Variants in METRN observed in about 807,000 individuals in gnomAD.
METRN encodes the protein meteorin.
METRN carries 17 observed loss-of-function variants against 17.4 expected under a neutral mutation model. The ratio of observed to expected loss-of-function variants is 0.98; its 90% confidence interval spans 0.67 to 1.46. METRN has a LOEUF of 1.46. METRN is among the 40% of genes most tolerant of loss of function. The pLI is 0.00. For missense variants in METRN, 489 were observed against 456.2 expected (o/e 1.07, Z -0.65); for synonymous variants, 230 against 210.8 (o/e 1.09, Z -0.79).
In METRN at chr16:717,414, TAGG is replaced by T. The variant is rs758547560; in HGVS notation, c.*31_*33del. 4.8e-5 allele frequency: 66 copies of T among 1,373,404 alleles called. 1 individual carries two copies. The African/African-American group carries it at 9.6e-4, about 20-fold the overall frequency. 85.1% of individuals were successfully genotyped at this position (1,373,404 alleles called of 1,614,324 possible). ...GGGCTGGGTGCTGGGGAGGGGCTGGTAGGAGGGAGGGTGGGCCCACTGCTTTGG... is the reference window on the plus strand; with the variant it reads ...GGGCTGGGTGCTGGGGAGGGGCTGGTAGGGAGGGTGGGCCCACTGCTTTGG... On this transcript the variant is annotated 3_prime_UTR_variant, in exon 4 of 4. Transcript: ENST00000568223.
At chr16:716,821 G>C in intron 2 of METRN, 112 bp from the exon 3 acceptor site, 1 of 1,503,100 alleles carries the variant, frequency 6.7e-7, no homozygotes, top group Non-Finnish European at 8.9e-7. Context: ...CCTGAGCGTG[G>C]GCTCTGCTCA....
rs1274203549 is a variant in METRN at position 715,669 on chromosome 16, G to A, written c.190G>A (p.Ala64Thr). 3 of 1,427,302 alleles carry A rather than the reference G, an allele frequency of 2.1e-6. No homozygotes were observed. The highest frequency in any genetic ancestry group is 2.7e-6 in the Non-Finnish European group (3 of 1,094,608). The allele number at this position is 1,427,302 out of a possible 1,614,324, so 88.4% of individuals were successfully genotyped here. ...GAVEWLYPAG[A>T]LRLTLGGPDP... ...GGTTGAGTGGCTGTACCCGGCTGGG[G>A]CGCTGCGCCTGACCCTGGGCGGCCC... Residue 64 changes from alanine to threonine, a missense_variant, in exon 2 of 4, where the codon GCG becomes ACG. Physicochemically the swap from Ala to Thr is moderately conservative, Grantham distance 58 (BLOSUM62 0). Transcript: ENST00000568223.
At position 719,178 on chromosome 16, in the gene METRN, G is replaced by A. The variant is rs976083944; in HGVS notation, c.*1791G>A. 3.3e-5 allele frequency: 5 copies of A among 152,426 alleles called. No individual in the cohort carries two copies. The highest frequency in any genetic ancestry group is 1.2e-4 in the African/African-American group (5 of 41,572). The allele number at this position is 152,426 out of a possible 1,614,324, so 9.4% of individuals were successfully genotyped here. A position where few individuals can be genotyped will look rare whatever the true frequency, so the allele number is the denominator to read the frequency against. On this transcript the variant is annotated 3_prime_UTR_variant, in exon 4 of 4. Transcript: ENST00000568223. The stretch of plus-strand genomic sequence containing the variant: ...CTTCTACCTACCTGTCTCAGGAAGT[G>A]CCTGAGCCTTGCACCTACAGACCCT...
chr16:717,495 G>C lies in METRN; in HGVS notation c.*108G>C. On this transcript the variant is annotated 3_prime_UTR_variant, in exon 4 of 4. Transcript: ENST00000568223. ...TGTTCACGCAAGCTGCTGTGGACCT[G>C]GTCTCCTGTGTCCAGCCCAGCCTTG... 1 of 1,102,060 alleles carries C rather than the reference G, an allele frequency of 9.1e-7. No homozygotes were observed. The highest frequency in any genetic ancestry group is 1.2e-6 in the Non-Finnish European group (1 of 831,750). 68.3% of individuals were successfully genotyped at this position (1,102,060 alleles called of 1,614,324 possible). A position where few individuals can be genotyped will look rare whatever the true frequency, so the allele number is the denominator to read the frequency against.
chr16:715,437 T>C, intron 1 of METRN, 44 bp downstream of exon 1: 1 of 1,267,586 alleles, frequency 7.9e-7, no homozygotes, highest in Non-Finnish European at 1.0e-6. Flanking sequence ...CGGGGTGCGC[T>C]GCGGCTAGGA....
In METRN at chr16:717,094, G is replaced by A. The variant is rs760436650; in HGVS notation, c.589G>A (p.Val197Ile). 1.1e-5 allele frequency: 17 copies of A among 1,608,962 alleles called. No individual in the cohort carries two copies. The highest frequency in any genetic ancestry group is 5.0e-5 in the Admixed American group (3 of 59,568). Reference sequence around the variant, plus strand: ...AGTAATTCACGGGATCATCCATGGGGTCACCCATGACGTGGAGCTGCAGGA... The same window carrying A: ...AGTAATTCACGGGATCATCCATGGGATCACCCATGACGTGGAGCTGCAGGA... ...DFVIHGIIHG[V>I]THDVELQESV... is the part of the protein sequence containing the mutation. Residue 197 changes from valine to isoleucine, a missense_variant, in exon 4 of 4, where the codon GTC becomes ATC. Transcript: ENST00000568223.
At chr16:716,793 C>G in intron 2 of METRN, 140 bp from the exon 3 acceptor site, 1 of 1,520,424 alleles carries the variant, frequency 6.6e-7, no homozygotes, top group Non-Finnish European at 8.8e-7. Flanking sequence ...TCTCTGGGAC[C>G]CCCAGGTGCC....
At chr16:716,293 T>TCCGG in intron 2 of METRN, 3 of 1,377,188 alleles carry the variant, frequency 2.2e-6, no homozygotes, top group Non-Finnish European at 1.9e-6. Context: ...AATCGAAGCC[T>TCCGG]CCGGCCAAAG....
rs545470659 is a variant in METRN at position 717,567 on chromosome 16, C to T, written c.*180C>T. On this transcript the variant is annotated 3_prime_UTR_variant, in exon 4 of 4. Transcript: ENST00000568223. Reference sequence around the variant, plus strand: ...GATGGCTCCAATTCCTGCCTCCTGGCGGGAGACTGAGGCTCAGGGGAATGG... The same window carrying T: ...GATGGCTCCAATTCCTGCCTCCTGGTGGGAGACTGAGGCTCAGGGGAATGG... 7.4e-5 allele frequency: 37 copies of T among 500,686 alleles called. No homozygotes were observed. In the South Asian group the frequency reaches 7.9e-4, roughly 11 times the overall value. 31.0% of individuals were successfully genotyped at this position (500,686 alleles called of 1,614,324 possible).
rs201218813 is a variant in METRN, at chr16:716,918, C to G, written c.506-15C>G. On this transcript the variant is annotated splice_polypyrimidine_tract_variant and intron_variant, in intron 2 of 3. Coordinates refer to ENST00000568223, the MANE Select transcript of METRN (RefSeq NM_024042.4). ...GAGGGCAGGGCCTCTCCTCACCACC[C>G]CCTCTGCATGCCAGGTGCCTGCAGG... 238 of 1,540,454 alleles carry G rather than the reference C, an allele frequency of 1.5e-4. No individual in the cohort carries two copies. In the East Asian group the frequency reaches 5.3e-3, roughly 34 times the overall value.
intron 2 of METRN, chr16:716,421 C>G: frequency 7.0e-7 from 1 of 1,432,926 alleles, no homozygotes. Flanking sequence ...TGCAGGGCAC[C>G]AGGCCCAGCT....
chr16:717,396 G>C lies in METRN; in HGVS notation c.*9G>C. On this transcript the variant is annotated 3_prime_UTR_variant, in exon 4 of 4. Coordinates refer to ENST00000568223, the MANE Select transcript of METRN (RefSeq NM_024042.4). ...AGGTGGCGCTGCACTGAGGGGCTGG[G>C]TGCTGGGGAGGGGCTGGTAGGAGGG... 2 of 1,387,266 alleles carry C rather than the reference G, an allele frequency of 1.4e-6. No homozygotes were observed. Among genetic ancestry groups the C allele is most frequent in the Non-Finnish European group, 1.9e-6 (2 of 1,071,758 alleles). The allele number at this position is 1,387,266 out of a possible 1,614,324, so 85.9% of individuals were successfully genotyped here. A position where few individuals can be genotyped will look rare whatever the true frequency, so the allele number is the denominator to read the frequency against.
rs2040150715 is a variant in METRN at position 715,293 on chromosome 16, G to C, written c.4G>C (p.Gly2Arg). ...CCCGGACGCCGCCCGCCGTGCCATG[G>C]GGTTCCCGGCCGCGGCGCTGCTCTG... is the stretch of plus-strand genomic sequence containing the variant. M[G>R]FPAAALLCAL... Residue 2 changes from glycine to arginine, a missense_variant, in exon 1 of 4, where the codon GGG becomes CGG. Physicochemically the swap from Gly to Arg is moderately radical, Grantham distance 125 (BLOSUM62 -2). Transcript: ENST00000568223. 20 of 1,329,414 alleles carry C rather than the reference G, an allele frequency of 1.5e-5. No homozygotes were observed. The highest frequency in any genetic ancestry group is 1.9e-5 in the Non-Finnish European group (20 of 1,037,496). The allele number at this position is 1,329,414 out of a possible 1,614,324, so 82.4% of individuals were successfully genotyped here. A position where few individuals can be genotyped will look rare whatever the true frequency, so the allele number is the denominator to read the frequency against.
chr16:716,331 G>A, intron 2 of METRN: 2 of 1,400,518 alleles, frequency 1.4e-6, no homozygotes, highest in Non-Finnish European at 1.8e-6. Context: ...GCCCAGCGGT[G>A]ACCTCTCTCC....
Position 717,457 on chromosome 16 carries a change from T to A in METRN, c.*70T>A. On this transcript the variant is annotated 3_prime_UTR_variant, in exon 4 of 4. Transcript: ENST00000568223. ...CACTGCTTTGGAGGTGATGGGACTA[T>A]CAATAAGAACTCTGTTCACGCAAGC... 1 of 1,306,128 alleles carries A rather than the reference T, an allele frequency of 7.7e-7. No homozygotes were observed. The highest frequency in any genetic ancestry group is 1.0e-6 in the Non-Finnish European group (1 of 1,004,092). 80.9% of individuals were successfully genotyped at this position (1,306,128 alleles called of 1,614,324 possible).
Position 715,356 on chromosome 16 carries a change from G to A in METRN, c.67G>A (p.Ala23Thr), listed in dbSNP as rs1175716489. ...CCGLLAPAAR[A>T]GYSEERCSWR... ...CGGCCTCCTGGCCCCGGCTGCCCGC[G>A]CCGGCTACTCCGAGGAGCGCTGCAG... Residue 23 changes from alanine to threonine, a missense_variant, in exon 1 of 4, where the codon GCC becomes ACC. By Grantham distance (58) the Ala-to-Thr change is moderately conservative. Transcript: ENST00000568223. The A allele has an allele frequency of 1.5e-6, 2 of 1,339,034 alleles. No homozygotes were observed. Among genetic ancestry groups the A allele is most frequent in the Non-Finnish European group, 1.9e-6 (2 of 1,046,460 alleles). The allele number at this position is 1,339,034 out of a possible 1,614,324, so 82.9% of individuals were successfully genotyped here. A position where few individuals can be genotyped will look rare whatever the true frequency, so the allele number is the denominator to read the frequency against.
In METRN at chr16:716,507, G is replaced by A. The variant is rs1863535813; in HGVS notation, c.506-426G>A. The stretch of plus-strand genomic sequence containing the variant: ...CTCGCTATTCTGCCCCCTGGCCCTG[G>A]GCCAGGGACCCCAGACCACCCTTCC... On this transcript the variant is annotated intron_variant, in intron 2 of 3. Coordinates refer to ENST00000568223, the MANE Select transcript of METRN (RefSeq NM_024042.4). 3 of 1,504,162 alleles carry A rather than the reference G, an allele frequency of 2.0e-6. No individual in the cohort carries two copies. The Admixed American group carries it at 6.3e-5, about 31-fold the overall frequency. 93.2% of individuals were successfully genotyped at this position (1,504,162 alleles called of 1,614,324 possible).
Position 717,207 on chromosome 16 carries a change from C to T in METRN, c.702C>T (p.Thr234=), listed in dbSNP as rs754258145. 26 of 1,597,844 alleles carry T rather than the reference C, an allele frequency of 1.6e-5. No homozygotes were observed. In the South Asian group the frequency reaches 1.7e-4, roughly 10 times the overall value. Reference sequence around the variant, plus strand: ...GGCGATCCGGGGACCAGGGGCTGACCTCCATTCGTACCCCACTGCGCTGTG... The same window carrying T: ...GGCGATCCGGGGACCAGGGGCTGACTTCCATTCGTACCCCACTGCGCTGTG... ...QAGRSGDQGL[T]SIRTPLRCGV... The change falls in exon 4 of 4, where the codon ACC becomes ACT. Residue 234 remains threonine (T), a synonymous_variant. Coordinates refer to ENST00000568223, the MANE Select transcript of METRN (RefSeq NM_024042.4).
chr16:715,623 C>A lies in METRN; in HGVS notation c.144C>A (p.Ala48=). ...AGCCCGGCAGCGTGGGGCAGCTGGC[C>A]CTGGCCTGTGCGGAGGGCGCGGTTG... The part of the protein sequence containing the change: ...TQEPGSVGQL[A]LACAEGAVEW... The change falls in exon 2 of 4, where the codon GCC becomes GCA. Residue 48 remains alanine (A), a synonymous_variant. Transcript: ENST00000568223. The A allele has an allele frequency of 1.4e-6, 2 of 1,431,706 alleles. No individual in the cohort carries two copies. The highest frequency in any genetic ancestry group is 3.0e-5 in the East Asian group (1 of 33,364). 88.7% of individuals were successfully genotyped at this position (1,431,706 alleles called of 1,614,324 possible).
Sources: gnomAD v4.1 joint callset for allele counts on GRCh38, gnomAD v4.1.1 for gene constraint, MANE v1.5 for transcripts, NCBI Gene and HGNC (gene_info 2026-07-23, HGNC 2026-07-21) for gene names.